LINGO2: variants seen among roughly 807,000 people sequenced by gnomAD.
LINGO2 encodes the protein leucine-rich repeat and immunoglobulin-like domain-containing nogo receptor-interacting protein 2.
A neutral mutation model predicts 30.6 loss-of-function variants in LINGO2; 14 were observed. The ratio of observed to expected loss-of-function variants is 0.46; its 90% CI spans 0.30 to 0.72. LINGO2 has a LOEUF of 0.72. LINGO2 is among the 30% of genes least tolerant of loss of function. The pLI, the probability that LINGO2 is intolerant of heterozygous loss-of-function variation, is 0.07. For missense variants in LINGO2, 729 were observed against 751.7 expected, an observed-to-expected ratio of 0.97 and a Z score of 0.35; for synonymous variants, 317 against 288.5, an observed-to-expected ratio of 1.10 and a Z score of -1.00.
intron 3 of LINGO2, among the ~76,000 whole-genome samples, chr9:28,306,618 C>CA (rs1408348075): frequency 6.6e-6 from 1 of 152,052 alleles, no homozygotes; most frequent in African/African-American, 2.4e-5. Flanking sequence ...AAAAACCCTT[C>CA]AAAAAACTAA....
At chr9:28,566,032 A>T (rs189750176) in intron 1 of LINGO2, among the ~76,000 whole-genome samples, 14 of 152,116 alleles carry the variant, frequency 9.2e-5, no homozygotes, top group African/African-American at 3.4e-4. Context: ...TTACCAGGAG[A>T]AAACTGAGGA....
At chr9:28,303,279 C>A (rs1175464315) in intron 3 of LINGO2, among the ~76,000 whole-genome samples, 2 of 152,100 alleles carry the variant, frequency 1.3e-5, no homozygotes, top group Non-Finnish European at 2.9e-5. Context: ...TACTAATTCT[C>A]TGATTTTTAT....
At chr9:28,705,534 C>A in the LINGO2 span, among the ~76,000 whole-genome samples, 2 of 152,060 alleles carry the variant, frequency 1.3e-5, no homozygotes, top group Non-Finnish European at 2.9e-5. Context: ...AAAATAGCTT[C>A]TCCTGAAGGC....
chr9:28,476,510 C>A (rs1400488450), intron 1 of LINGO2, among the ~76,000 whole-genome samples: 3 of 152,100 alleles, frequency 2.0e-5, no homozygotes, highest in Admixed American at 2.0e-4. Flanking sequence ...CTCCTGACCT[C>A]GTGATCCTCC....
the LINGO2 span, among the ~76,000 whole-genome samples, chr9:28,823,380 T>C: frequency 6.6e-6 from 1 of 152,184 alleles, no homozygotes; most frequent in Non-Finnish European, 1.5e-5. Flanking sequence ...TAGGTCAATA[T>C]ATCAAAAGGT....
the LINGO2 span, among the ~76,000 whole-genome samples, chr9:28,785,043 C>T: frequency 2.6e-5 from 4 of 151,536 alleles, no homozygotes; most frequent in Non-Finnish European, 2.9e-5. Flanking sequence ...GATTGTTCTA[C>T]ATACATGATA....
the LINGO2 span, among the ~76,000 whole-genome samples, chr9:29,133,105 C>A: frequency 6.6e-6 from 1 of 152,108 alleles, no homozygotes; most frequent in African/African-American, 2.4e-5. Context: ...CACTCCCAGT[C>A]TATCAATAAT....
chr9:28,791,098 ATAAT>A, the LINGO2 span, among the ~76,000 whole-genome samples: 1 of 152,168 alleles, frequency 6.6e-6, no homozygotes, highest in Non-Finnish European at 1.5e-5. Context: ...AAAATAAATT[ATAAT>A]TAATTATATC....
the LINGO2 span, among the ~76,000 whole-genome samples, chr9:28,970,741 C>G: frequency 6.6e-6 from 1 of 152,138 alleles, no homozygotes; most frequent in African/African-American, 2.4e-5. Flanking sequence ...TGAGTTCCTG[C>G]GATCCTTGAC....
At chr9:28,288,999 T>C (rs764823577) in intron 4 of LINGO2, among the ~76,000 whole-genome samples, 7 of 152,190 alleles carry the variant, frequency 4.6e-5, no homozygotes, top group Non-Finnish European at 1.0e-4. Flanking sequence ...CCTATAGTAA[T>C]GTAATCCTAA....
intron 3 of LINGO2, among the ~76,000 whole-genome samples, chr9:28,328,466 T>A (rs985614760): frequency 1.3e-5 from 2 of 152,146 alleles, no homozygotes; most frequent in Non-Finnish European, 2.9e-5. Flanking sequence ...GTAGAATATG[T>A]TGTTCTTATC....
At chr9:29,150,007 G>A in the LINGO2 span, among the ~76,000 whole-genome samples, 1 of 152,170 alleles carries the variant, frequency 6.6e-6, no homozygotes, top group African/African-American at 2.4e-5. Context: ...CTAGGAGCAG[G>A]CTTGGTAAAG....
At chr9:28,781,670 C>G in the LINGO2 span, among the ~76,000 whole-genome samples, 1 of 152,058 alleles carries the variant, frequency 6.6e-6, no homozygotes, top group African/African-American at 2.4e-5. Context: ...TGCCAAAAAT[C>G]ATTTCCATTC....
the LINGO2 span, among the ~76,000 whole-genome samples, chr9:28,832,653 A>T: frequency 6.6e-6 from 1 of 152,134 alleles, no homozygotes; most frequent in Non-Finnish European, 1.5e-5. Context: ...ACTCAACATA[A>T]AAGAGTAGTT....
chr9:29,115,592 T>G, the LINGO2 span, among the ~76,000 whole-genome samples: 2 of 151,936 alleles, frequency 1.3e-5, no homozygotes, highest in African/African-American at 4.8e-5. Context: ...AATGTGTTTT[T>G]TTTTAAAGAA....
chr9:28,917,084 T>A, the LINGO2 span, among the ~76,000 whole-genome samples: 3 of 152,204 alleles, frequency 2.0e-5, no homozygotes, highest in East Asian at 5.8e-4. Flanking sequence ...TTGTCATGAA[T>A]TATCTTTGAA....
intron 4 of LINGO2, among the ~76,000 whole-genome samples, chr9:28,284,968 T>C (rs1015812761): frequency 1.3e-5 from 2 of 152,182 alleles, no homozygotes; most frequent in South Asian, 2.1e-4. Context: ...AAATTGTTGA[T>C]AGAAATGCAC....
chr9:28,149,308 C>T (rs1827914397), intron 4 of LINGO2: 2 of 570,042 alleles, frequency 3.5e-6, no homozygotes, highest in Non-Finnish European at 6.2e-6. Context: ...GCATCTCTGC[C>T]TGCACCATCT....
chr9:28,223,428 A>G (rs1160397915), intron 4 of LINGO2, among the ~76,000 whole-genome samples: 1 of 152,238 alleles, frequency 6.6e-6, no homozygotes, highest in Non-Finnish European at 1.5e-5. Context: ...CAAGGGGAGA[A>G]GCCCTTATAA....
Sources: gnomAD v4.1 joint callset for allele counts (sites outside exome capture counted in the v4.1 genomes callset) on GRCh38, gnomAD v4.1.1 for gene constraint, MANE v1.5 for transcripts, NCBI Gene and HGNC (gene_info 2026-07-23, HGNC 2026-07-21) for gene names.